KIF21B: variants seen among roughly 807,000 people sequenced by gnomAD.
KIF21B encodes the protein kinesin-like protein KIF21B.
KIF21B carries 85 observed loss-of-function variants against 192.9 expected under a neutral mutation model. The ratio of observed to expected loss-of-function variants is 0.44; its 90% CI spans 0.37 to 0.53. The LOEUF (loss-of-function observed/expected upper bound fraction) is 0.53, where lower values mean the gene tolerates loss of function less well. Among genes scored for constraint, KIF21B ranks in the 20% least tolerant of loss-of-function variants. The pLI is 0.00. For synonymous variants in KIF21B, 832 were observed against 884.6 expected (o/e 0.94, Z 1.05); for missense variants, 1,716 against 2,194.8 (o/e 0.78, Z 4.36).
chr1:201,020,096 T>A (rs1044605132), intron 1 of KIF21B, among the ~76,000 whole-genome samples: 2 of 151,976 alleles, frequency 1.3e-5, no homozygotes, highest in Non-Finnish European at 2.9e-5. Flanking sequence ...GATGCTGGGC[T>A]GGCCAAGCAC....
In KIF21B at chr1:200,990,002, G is replaced by A; in HGVS notation, c.3072C>T (p.Ser1024=). The A allele has an allele frequency of 6.2e-7, 1 of 1,614,032 alleles. No individual in the cohort carries two copies. The highest frequency in any genetic ancestry group is 1.1e-5 in the South Asian group (1 of 91,078). Reference sequence around the variant, plus strand: ...GGAGGCGGGCTTCAGCCAGGGAGCAGGAGCTGATGACCACGGATGTGTCTG... The same window carrying A: ...GGAGGCGGGCTTCAGCCAGGGAGCAAGAGCTGATGACCACGGATGTGTCTG... ...DSTDTSVVIS[S]CSLAEARLLL... The change falls in exon 21 of 35, where the codon TCC becomes TCT. Residue 1024 remains serine (S), a synonymous_variant. Coordinates refer to ENST00000461742, the MANE Select transcript of KIF21B (RefSeq NM_001252102.2). This position sits in a 1 kb window ranked among gnomAD's most constrained non-coding sequence, Gnocchi z 5.4.
chr1:201,019,649 T>G (rs1436656397), intron 1 of KIF21B, among the ~76,000 whole-genome samples: 1 of 151,842 alleles, frequency 6.6e-6, no homozygotes, highest in African/African-American at 2.4e-5. Flanking sequence ...GGCCTGTGGT[T>G]ACTACACTCC....
rs1489363845 is a variant in KIF21B at position 200,973,537 on chromosome 1, T to C, written c.4856A>G (p.His1619Arg). The change falls in exon 35 of 35, where the codon CAC becomes CGC. Residue 1619 changes from histidine to arginine, a missense_variant. Transcript: ENST00000461742. ...VKFWSVRRLP[H>R]SGPP is the part of the protein sequence containing the mutation. ...ACCTCACTCCTAGGGTGGGCCGCTG[T>C]GGGGTAACCGCCGGACACTCCAGAA... 2.7e-6 allele frequency: 4 copies of C among 1,487,520 alleles called. No individual in the cohort carries two copies. The highest frequency in any genetic ancestry group is 1.4e-5 in the African/African-American group (1 of 69,346). 92.1% of individuals were successfully genotyped at this position (1,487,520 alleles called of 1,614,324 possible). A position where few individuals can be genotyped will look rare whatever the true frequency, so the allele number is the denominator to read the frequency against.
intron 6 of KIF21B, 112 bp from the exon 7 acceptor site, chr1:201,004,567 T>C (rs746120331): frequency 1.7e-6 from 2 of 1,154,270 alleles, no homozygotes; most frequent in African/African-American, 3.1e-5. Flanking sequence ...AGCAGCCCTC[T>C]TGCTCCTTGG....
At position 200,973,244 on chromosome 1, in the gene KIF21B, G is replaced by C. The variant is rs1005799924; in HGVS notation, c.*277C>G. On this transcript the variant is annotated 3_prime_UTR_variant, in exon 35 of 35. Transcript: ENST00000461742. ...GTTCAGCAGGAGACAATGTGGCCAC[G>C]ACTGCCAGGAGGGGAACAAGAAGGG... The C allele has an allele frequency of 5.1e-6, 2 of 388,388 alleles. No individual in the cohort carries two copies. The highest frequency in any genetic ancestry group is 4.2e-5 in the African/African-American group (2 of 47,910). The allele number at this position is 388,388 out of a possible 1,614,324, so 24.1% of individuals were successfully genotyped here.
chr1:201,010,792 C>A (rs866358900), intron 1 of KIF21B, among the ~76,000 whole-genome samples: 4 of 152,250 alleles, frequency 2.6e-5, no homozygotes, highest in African/African-American at 9.6e-5. Context: ...GCTGCCCCAG[C>A]CCCCAAGGCC....
At chr1:201,013,124 G>A (rs577767207) in intron 1 of KIF21B, among the ~76,000 whole-genome samples, 1 of 152,268 alleles carries the variant, frequency 6.6e-6, no homozygotes, top group African/African-American at 2.4e-5. Flanking sequence ...CAGTCATCCT[G>A]GGCTCACTCT....
At chr1:200,991,786 G>T in intron 16 of KIF21B, 61 bp from the exon 17 acceptor site, 1 of 1,550,336 alleles carries the variant, frequency 6.5e-7, no homozygotes, top group East Asian at 2.3e-5. Context: ...CTCTGTCTGT[G>T]TACAGGCTGG....
chr1:200,991,893 G>A (rs961357737), intron 16 of KIF21B, among the ~76,000 whole-genome samples, 168 bp from the exon 17 acceptor site: 1 of 152,270 alleles, frequency 6.6e-6, no homozygotes, highest in African/African-American at 2.4e-5. Context: ...CTCCCCAGAG[G>A]TTGCAGTGAA....
intron 34 of KIF21B, chr1:200,973,815 G>C: frequency 7.0e-7 from 1 of 1,431,052 alleles, no homozygotes; most frequent in Non-Finnish European, 9.1e-7. Context: ...TCTTTTTTTG[G>C]GGGGGTGTTT....
At chr1:201,008,651 C>T (rs1658052751) in intron 3 of KIF21B, 118 bp downstream of exon 3, 1 of 966,048 alleles carries the variant, frequency 1.0e-6, no homozygotes, top group African/African-American at 1.6e-5. Flanking sequence ...GAACTCATCA[C>T]CTGGAGATGC....
intron 15 of KIF21B, among the ~76,000 whole-genome samples, chr1:200,994,627 G>C (rs1262779435): frequency 6.6e-6 from 1 of 152,242 alleles, no homozygotes; most frequent in East Asian, 1.9e-4. Flanking sequence ...AGGCTTCAGA[G>C]CCATACAAGG....
intron 34 of KIF21B, chr1:200,974,319 G>T: frequency 8.6e-7 from 1 of 1,168,932 alleles, no homozygotes; most frequent in South Asian, 1.6e-5. Context: ...GGGACAGAGG[G>T]CCTGGCTGCT....
In KIF21B at chr1:201,023,367, T is replaced by C; in HGVS notation, c.17A>G (p.Asp6Gly). Reference protein sequence around the residue: MAGQGDCCVKVAVRIR... With the variant: MAGQGGCCVKVAVRIR... ...CCTGACGGCCACCTTGACGCAGCAG[T>C]CCCCCTGGCCGGCCATGGCCCTCTG... The change falls in exon 1 of 35, where the codon GAC (aspartate) becomes GGC (glycine). Residue 6 changes from aspartate to glycine, a missense_variant. By Grantham distance (94) the Asp-to-Gly change is moderately conservative (BLOSUM62 -1). Coordinates refer to ENST00000461742, the MANE Select transcript of KIF21B (RefSeq NM_001252102.2). The surrounding 1 kb of genome is among the most constrained non-coding windows in gnomAD (Gnocchi z 5.9). 2 of 1,527,574 alleles carry C rather than the reference T, an allele frequency of 1.3e-6. No homozygotes were observed. Among genetic ancestry groups the C allele is most frequent in the Admixed American group, 2.0e-5 (1 of 48,856 alleles). 94.6% of individuals were successfully genotyped at this position (1,527,574 alleles called of 1,614,324 possible).
chr1:201,018,381 C>T (rs957480116), intron 1 of KIF21B, among the ~76,000 whole-genome samples: 2 of 152,218 alleles, frequency 1.3e-5, no homozygotes, highest in Admixed American at 1.3e-4. Flanking sequence ...GAGCTAGGAC[C>T]ATGGTGGTGC....
rs754739842 is a variant in KIF21B, at chr1:200,996,243, C to T, written c.2230G>A (p.Glu744Lys). 3.7e-6 allele frequency: 6 copies of T among 1,613,844 alleles called. No individual in the cohort carries two copies. The highest frequency in any genetic ancestry group is 5.1e-6 in the Non-Finnish European group (6 of 1,180,056). ...LLKNQSRYER[E>K]LKKLQAEVAE... ...ACCTCGGCCTGTAGCTTCTTCAGCT[C>T]CCTCTCGTAGCGCGACTGGTTCTTA... The change falls in exon 15 of 35, where the codon GAG becomes AAG. Residue 744 changes from glutamate (E) to lysine (K), a missense_variant. Transcript: ENST00000461742.
chr1:201,017,978 G>C lies in KIF21B; in HGVS notation c.41+5365C>G, dbSNP rs1221529445. Among the ~76,000 whole-genome samples the C allele has an allele frequency of 6.6e-6, 1 of 152,084 alleles. No individual in the cohort carries two copies. On this transcript the variant is annotated intron_variant, in intron 1 of 34. Transcript: ENST00000461742. The surrounding 1 kb of genome is among the most constrained non-coding windows in gnomAD (Gnocchi z 4.1). The stretch of plus-strand genomic sequence containing the variant: ...GGGATTGAGGTGGGTGGATCTCTGG[G>C]GCCAAGGAAGAGCCGTTCCAGTCCA...
chr1:200,996,955 T>C (rs1657106127), intron 14 of KIF21B, among the ~76,000 whole-genome samples: 1 of 152,130 alleles, frequency 6.6e-6, no homozygotes, highest in South Asian at 2.1e-4. Context: ...GAGGCATCCT[T>C]GGCTCCCCTC....
intron 3 of KIF21B, among the ~76,000 whole-genome samples, chr1:201,007,704 G>A (rs1657988005): frequency 7.2e-6 from 1 of 139,144 alleles, no homozygotes. Flanking sequence ...ACAGACAGAT[G>A]CGCACACAGA....
Sources: allele counts gnomAD v4.1 joint callset (sites outside exome capture counted in the v4.1 genomes callset), GRCh38; gene constraint gnomAD v4.1.1; non-coding constraint Gnocchi (gnomAD v3.1); transcripts MANE v1.5; gene names NCBI Gene and HGNC (gene_info 2026-07-23, HGNC 2026-07-21).